Variants in PIK3R1 observed in about 807,000 individuals in gnomAD.
The protein encoded by PIK3R1 is phosphatidylinositol 3-kinase regulatory subunit alpha.
Under a neutral mutation model 98.0 loss-of-function variants are expected in PIK3R1, and 29 were observed. The observed-to-expected ratio is 0.30, with a 90% confidence interval of 0.22 to 0.40. The LOEUF (loss-of-function observed/expected upper bound fraction) is 0.40, where lower values mean the gene tolerates loss of function less well. Among genes scored for constraint, PIK3R1 ranks in the 10% least tolerant of loss-of-function variants. The pLI is 1.00. For missense variants in PIK3R1, 596 were observed against 872.7 expected (o/e 0.68, Z 3.99); for synonymous variants, 282 against 311.8 (o/e 0.90, Z 1.01).
intron 2 of PIK3R1, among the ~76,000 whole-genome samples, chr5:68,257,259 C>T (rs757781075): frequency 1.3e-5 from 2 of 152,252 alleles, no homozygotes; most frequent in East Asian, 3.8e-4. Context: ...CCCCGACCCA[C>T]ACATTTCACC....
At position 68,300,729 on chromosome 5, in the gene PIK3R1, C is replaced by T. The variant is rs771050520; in HGVS notation, c.*3128C>T. 7.7e-5 allele frequency: 18 copies of T among 233,116 alleles called. No homozygotes were observed. Among genetic ancestry groups the T allele is most frequent in the Non-Finnish European group, 1.3e-4 (15 of 118,026 alleles). The allele number at this position is 233,116 out of a possible 1,614,324, so 14.4% of individuals were successfully genotyped here. On this transcript the variant is annotated 3_prime_UTR_variant, in exon 16 of 16. Transcript: ENST00000521381. ...GTACATAAAGTACATAACAAGCGAACGTCTAGTACAATTCTTACTTATGTG... is the reference window on the plus strand; with the variant it reads ...GTACATAAAGTACATAACAAGCGAATGTCTAGTACAATTCTTACTTATGTG...
chr5:68,255,119 G>C (rs1045969250), intron 2 of PIK3R1, among the ~76,000 whole-genome samples: 3 of 152,200 alleles, frequency 2.0e-5, no homozygotes, highest in Non-Finnish European at 4.4e-5. Flanking sequence ...TAGAGCTTCT[G>C]AGATTTCTAA....
intron 2 of PIK3R1, among the ~76,000 whole-genome samples, chr5:68,234,668 G>A (rs113414311): frequency 0.02 from 3,033 of 152,276 alleles, 116 homozygotes; most frequent in African/African-American, 0.07. Context: ...CGCTAAACTC[G>A]TTGACATGAT....
At position 68,296,339 on chromosome 5, in the gene PIK3R1, A is replaced by G. The variant is rs1747712857; in HGVS notation, c.1983A>G (p.Val661=). The G allele has an allele frequency of 6.2e-7, 1 of 1,610,220 alleles. No individual in the cohort carries two copies. Among genetic ancestry groups the G allele is most frequent in the Non-Finnish European group, 8.5e-7 (1 of 1,177,502 alleles). ...SSKQGCYACS[V]VVDGEVKHCV... ...AACAGGGCTGCTATGCCTGCTCTGT[A>G]GTGTATGTATCTCCAGCAAACTTTT... is the stretch of plus-strand genomic sequence containing the variant. The change falls in exon 15 of 16, where the codon GTA becomes GTG. Residue 661 remains valine (V), a splice_region_variant and synonymous_variant. Coordinates refer to ENST00000521381, the MANE Select transcript of PIK3R1 (RefSeq NM_181523.3).
intron 4 of PIK3R1, among the ~76,000 whole-genome samples, chr5:68,275,051 G>A (rs1746514273): frequency 6.6e-6 from 1 of 152,174 alleles, no homozygotes; most frequent in Non-Finnish European, 1.5e-5. Flanking sequence ...TTAGAAAAGA[G>A]GTTTTTTTGG....
intron 8 of PIK3R1, chr5:68,292,703 A>T: frequency 1.6e-6 from 2 of 1,274,968 alleles, no homozygotes; most frequent in Non-Finnish European, 2.0e-6. Flanking sequence ...ATGCCATTTT[A>T]TGTTAGCTTT....
At chr5:68,293,875 T>A (rs1210798808) in intron 11 of PIK3R1, 41 bp downstream of exon 11, 2 of 1,465,178 alleles carry the variant, frequency 1.4e-6, no homozygotes, top group Middle Eastern at 1.8e-4. Context: ...ATAAGAGTTC[T>A]AAACTTTTAA....
intron 2 of PIK3R1, among the ~76,000 whole-genome samples, chr5:68,231,009 T>C (rs991938007): frequency 6.6e-6 from 1 of 152,196 alleles, no homozygotes; most frequent in South Asian, 2.1e-4. Context: ...CCCATCCCGC[T>C]ACACCAACCC....
intron 2 of PIK3R1, 152 bp downstream of exon 2, chr5:68,227,161 C>T (rs148005531): frequency 2.0e-4 from 133 of 676,372 alleles, no homozygotes; most frequent in African/African-American, 7.3e-4. Context: ...CTTGGTCAAT[C>T]ATTACACAAC....
chr5:68,297,067 T>C (rs1214291886), intron 15 of PIK3R1, among the ~76,000 whole-genome samples: 1 of 152,194 alleles, frequency 6.6e-6, no homozygotes, highest in Non-Finnish European at 1.5e-5. Context: ...GCACTGCAGA[T>C]AGTTGTCCTC....
chr5:68,226,877 G>A lies in PIK3R1; in HGVS notation c.202G>A (p.Asp68Asn), dbSNP rs755043940. 5 of 1,614,064 alleles carry A rather than the reference G, an allele frequency of 3.1e-6. No homozygotes were observed. The Admixed American group carries it at 6.7e-5, about 22-fold the overall frequency. ...GYNETTGERG[D>N]FPGTYVEYIG... ...TAATGAAACCACAGGGGAAAGGGGG[G>A]ACTTTCCGGGAACTTACGTAGAATA... Residue 68 changes from aspartate (D) to asparagine (N), a missense_variant, in exon 2 of 16, where the codon GAC (aspartate) becomes AAC (asparagine). Physicochemically the swap from Asp to Asn is conservative, Grantham distance 23 (BLOSUM62 1). Transcript: ENST00000521381.
Position 68,280,993 on chromosome 5 carries a change from A to G in PIK3R1, c.903A>G (p.Arg301=). 1 of 1,602,498 alleles carries G rather than the reference A, an allele frequency of 6.2e-7. No homozygotes were observed. Among genetic ancestry groups the G allele is most frequent in the Non-Finnish European group, 8.5e-7 (1 of 1,173,250 alleles). The change falls in exon 7 of 16, where the codon CGA becomes CGG. Residue 301 remains arginine, a synonymous_variant. Transcript: ENST00000521381. ...EILISTEWNE[R]QPAPALPPKP... is the part of the protein sequence containing the mutation. ...TAATCTCAACTGAATGGAATGAACG[A>G]CAGCCTGCACCAGGTAATGCTTTTT...
chr5:68,293,853 T>C lies in PIK3R1; in HGVS notation c.1425+19T>C. 1 of 1,537,444 alleles carries C rather than the reference T, an allele frequency of 6.5e-7. No homozygotes were observed. Among genetic ancestry groups the C allele is most frequent in the African/African-American group, 1.4e-5 (1 of 70,228 alleles). Reference sequence around the variant, plus strand: ...ATCCCAGGTGAGTTTTCTATGAAAATCAGATTAAAAAATAAGAGTTCTAAA... The same window carrying C: ...ATCCCAGGTGAGTTTTCTATGAAAACCAGATTAAAAAATAAGAGTTCTAAA... On this transcript the variant is annotated intron_variant, in intron 11 of 15. Coordinates refer to ENST00000521381, the MANE Select transcript of PIK3R1 (RefSeq NM_181523.3).
intron 2 of PIK3R1, among the ~76,000 whole-genome samples, chr5:68,271,470 G>A (rs749439241): frequency 2.6e-5 from 4 of 152,146 alleles, no homozygotes; most frequent in Admixed American, 6.5e-5. Context: ...AAGCTGACTC[G>A]GGAATCTTTC....
intron 7 of PIK3R1, 37 bp from the exon 8 acceptor site, chr5:68,292,222 T>G: frequency 7.6e-7 from 1 of 1,308,246 alleles, no homozygotes; most frequent in Non-Finnish European, 1.1e-6. Flanking sequence ...TCTAATGTAG[T>G]TGGGATTGCG....
At chr5:68,224,336 A>G (rs915103728) in intron 1 of PIK3R1, among the ~76,000 whole-genome samples, 2 of 152,196 alleles carry the variant, frequency 1.3e-5, no homozygotes, top group Non-Finnish European at 2.9e-5. Context: ...CAAATAATAT[A>G]GCTTATTTTT....
intron 2 of PIK3R1, among the ~76,000 whole-genome samples, chr5:68,272,600 T>C (rs1746409016): frequency 6.6e-6 from 1 of 152,254 alleles, no homozygotes; most frequent in African/African-American, 2.4e-5. Flanking sequence ...TTGAAGAATG[T>C]TATTTATGAG....
chr5:68,241,894 CTAATT>C (rs1475858969), intron 2 of PIK3R1, among the ~76,000 whole-genome samples: 2 of 152,238 alleles, frequency 1.3e-5, no homozygotes, highest in African/African-American at 4.8e-5. Context: ...TACCTTCAAA[CTAATT>C]TAAGAATCTT....
chr5:68,254,663 A>T (rs1745442802), intron 2 of PIK3R1, among the ~76,000 whole-genome samples: 1 of 152,234 alleles, frequency 6.6e-6, no homozygotes, highest in African/African-American at 2.4e-5. Flanking sequence ...TGGACTAATA[A>T]GTGGCCTGTC....
Sources: gnomAD v4.1 joint callset for allele counts (sites outside exome capture counted in the v4.1 genomes callset) on GRCh38, gnomAD v4.1.1 for gene constraint, MANE v1.5 for transcripts, NCBI Gene and HGNC (gene_info 2026-07-23, HGNC 2026-07-21) for gene names.